The following CA12 variants were observed in gnomAD, a reference collection of about 807,000 sequenced individuals.
CA12 encodes carbonate dehydratase XII.
In CA12, 36 loss-of-function variants were observed where a neutral mutation model predicts 46.8. The observed-to-expected ratio is 0.77, with a 90% CI of 0.59 to 1.02. The LOEUF (loss-of-function observed/expected upper bound fraction) is 1.02. Ranked by LOEUF, CA12 falls within the 50% of genes least tolerant of loss-of-function variation. CA12 has a pLI of 0.00. For missense variants in CA12, 436 were observed against 451.4 expected (o/e 0.97, Z 0.31); for synonymous variants, 202 against 187.0 (o/e 1.08, Z -0.65).
chr15:63,381,741 C>T lies in CA12; in HGVS notation c.-21G>A, dbSNP rs769371386. ...GGCATCTTCGCGGGCTCCTGCGGGG[C>T]GGGCGCGGGCTGTGCCGGGGGCTCC... On this transcript the variant is annotated 5_prime_UTR_variant, in exon 1 of 11. Transcript: ENST00000178638. The T allele has an allele frequency of 8.4e-6, 13 of 1,546,502 alleles. No individual in the cohort carries two copies. The highest frequency in any genetic ancestry group is 7.3e-5 in the East Asian group (3 of 41,116).
At chr15:63,338,725 G>A in intron 8 of CA12, 94 bp downstream of exon 8, 1 of 1,549,524 alleles carries the variant, frequency 6.5e-7, no homozygotes, top group African/African-American at 1.4e-5. Flanking sequence ...CCAACTTCTT[G>A]AGGGCATCAG....
At chr15:63,354,242 C>G (rs1408815665) in intron 2 of CA12, among the ~76,000 whole-genome samples, 1 of 151,980 alleles carries the variant, frequency 6.6e-6, no homozygotes, top group Non-Finnish European at 1.5e-5. Context: ...GAGGTGGTCC[C>G]GGGACAGTGA....
chr15:63,376,624 T>C (rs375763102), intron 1 of CA12, among the ~76,000 whole-genome samples: 14 of 92,768 alleles, frequency 1.5e-4, no homozygotes, highest in Non-Finnish European at 1.2e-4. Flanking sequence ...CTCTCTCTCT[T>C]TCTTCTTTTT....
In CA12 at chr15:63,355,992, A is replaced by G. The variant is rs868314889; in HGVS notation, c.107-9283T>C. 6.6e-6 allele frequency among the ~76,000 whole-genome samples: 1 copy of G among 152,260 alleles called. No homozygotes were observed. Among genetic ancestry groups the G allele is most frequent in the Non-Finnish European group, 1.5e-5 (1 of 68,050 alleles). ...GTCTTTTTCATGCACTGTTATATGC[A>G]TAACATTTACATGATTAAATATGGT... On this transcript the variant is annotated intron_variant, in intron 2 of 10. Transcript: ENST00000178638. This position sits in a 1 kb window ranked among gnomAD's most constrained non-coding sequence, Gnocchi z 4.1.
chr15:63,364,346 A>AAAAAAC (rs532500100), intron 2 of CA12, among the ~76,000 whole-genome samples: 3,509 of 146,976 alleles, frequency 0.024, 221 homozygotes, highest in Middle Eastern at 0.042. Flanking sequence ...AAAAAAAAAA[A>AAAAAAC]AAAAAAAAAC....
chr15:63,337,131 C>T (rs2039014049), intron 8 of CA12, among the ~76,000 whole-genome samples: 1 of 152,148 alleles, frequency 6.6e-6, no homozygotes, highest in Non-Finnish European at 1.5e-5. Flanking sequence ...GGCTACTGTT[C>T]ACAGATTCTG....
rs369931016 is a variant in CA12, at chr15:63,364,694, C to T, written c.106+10964G>A. Among the ~76,000 whole-genome samples the T allele has an allele frequency of 1.6e-4, 25 of 152,344 alleles. No homozygotes were observed. In the East Asian group the frequency reaches 2.3e-3, roughly 14 times the overall value. ...CCCAGGCCCTGCAGCCCTGGCCCAT[C>T]GTCCAGGCACATTTCTGGCATATGC... On this transcript the variant is annotated intron_variant, in intron 2 of 10. Transcript: ENST00000178638.
At position 63,327,311 on chromosome 15, in the gene CA12, C is replaced by A. The variant is rs1343333638; in HGVS notation, c.908-78G>T. 18 of 1,055,158 alleles carry A rather than the reference C, an allele frequency of 1.7e-5. No individual in the cohort carries two copies. In the Admixed American group the frequency reaches 3.5e-4, roughly 21 times the overall value. 65.4% of individuals were successfully genotyped at this position (1,055,158 alleles called of 1,614,324 possible). The stretch of plus-strand genomic sequence containing the variant: ...AGCCCATGGCCCCCGGGTGTGAAAT[C>A]ATGGCCCAGCTGCATAATCATCCAC... On this transcript the variant is annotated intron_variant, in intron 9 of 10. Coordinates refer to ENST00000178638, the MANE Select transcript of CA12 (RefSeq NM_001218.5). The surrounding 1 kb of genome is among the most constrained non-coding windows in gnomAD (Gnocchi z 4.5).
At chr15:63,371,025 A>G (rs1038808271) in intron 2 of CA12, among the ~76,000 whole-genome samples, 1 of 152,094 alleles carries the variant, frequency 6.6e-6, no homozygotes, top group African/African-American at 2.4e-5. Context: ...TTATATTGCA[A>G]TTCAGGTGTG....
At position 63,327,078 on chromosome 15, in the gene CA12, G is replaced by T. The variant is rs2038876592; in HGVS notation, c.992+71C>A. On this transcript the variant is annotated intron_variant, in intron 10 of 10. Coordinates refer to ENST00000178638, the MANE Select transcript of CA12 (RefSeq NM_001218.5). This position sits in a 1 kb window ranked among gnomAD's most constrained non-coding sequence, Gnocchi z 4.5. ...CTGCGGCTCTTCATGCCACAAAGCT[G>T]CCTTCCCAGGCAGACTAATCATCAT... 1 of 1,394,036 alleles carries T rather than the reference G, an allele frequency of 7.2e-7. No homozygotes were observed. The highest frequency in any genetic ancestry group is 1.0e-6 in the Non-Finnish European group (1 of 982,474). 86.4% of individuals were successfully genotyped at this position (1,394,036 alleles called of 1,614,324 possible).
At chr15:63,347,487 T>C (rs1439687121) in intron 2 of CA12, among the ~76,000 whole-genome samples, 4 of 152,122 alleles carry the variant, frequency 2.6e-5, no homozygotes, top group Admixed American at 2.6e-4. Flanking sequence ...GACCACACTA[T>C]AAACTAATTA....
intron 2 of CA12, among the ~76,000 whole-genome samples, chr15:63,350,980 C>T (rs1444680448): frequency 1.3e-5 from 2 of 152,156 alleles, no homozygotes; most frequent in Non-Finnish European, 2.9e-5. Flanking sequence ...CATGACCACA[C>T]CTAGAGAGTT....
Position 63,340,157 on chromosome 15 carries a change from T to G in CA12, c.747+131A>C. On this transcript the variant is annotated intron_variant, in intron 7 of 10. Coordinates refer to ENST00000178638, the MANE Select transcript of CA12 (RefSeq NM_001218.5). The surrounding 1 kb of genome is among the most constrained non-coding windows in gnomAD (Gnocchi z 4.4). ...TTTCTGCGGTGCTTTCAGACACCTG[T>G]GATATTTGGAGAGGTTTTGAAGAGC... 1 of 1,072,804 alleles carries G rather than the reference T, an allele frequency of 9.3e-7. No homozygotes were observed. Among genetic ancestry groups the G allele is most frequent in the South Asian group, 1.4e-5 (1 of 73,858 alleles). The allele number at this position is 1,072,804 out of a possible 1,614,324, so 66.5% of individuals were successfully genotyped here.
chr15:63,335,939 CT>C (rs2038997806), intron 8 of CA12, among the ~76,000 whole-genome samples: 1 of 152,180 alleles, frequency 6.6e-6, no homozygotes, highest in South Asian at 2.1e-4. Context: ...CTCATTGCTC[CT>C]TGGGAAGCAG....
intron 1 of CA12, among the ~76,000 whole-genome samples, chr15:63,381,084 A>G (rs1428294804): frequency 6.6e-6 from 1 of 152,110 alleles, no homozygotes; most frequent in Non-Finnish European, 1.5e-5. Flanking sequence ...ACGTGCACAC[A>G]CACGTACATT....
chr15:63,342,217 T>G, intron 4 of CA12, 120 bp from the exon 5 acceptor site: 1 of 717,266 alleles, frequency 1.4e-6, no homozygotes, highest in Non-Finnish European at 2.5e-6. Flanking sequence ...CCCCCCAGAC[T>G]AGGTTAGGTC....
chr15:63,376,887 C>A (rs1466285426), intron 1 of CA12, among the ~76,000 whole-genome samples: 2 of 152,068 alleles, frequency 1.3e-5, no homozygotes, highest in African/African-American at 4.8e-5. Flanking sequence ...AAGCGATCTG[C>A]CCACTCCAGC....
chr15:63,367,994 T>C (rs1425381905), intron 2 of CA12, among the ~76,000 whole-genome samples: 1 of 152,232 alleles, frequency 6.6e-6, no homozygotes, highest in African/African-American at 2.4e-5. Context: ...CCATCATACT[T>C]ACGTGCTGTG....
chr15:63,338,710 C>A, intron 8 of CA12, 109 bp downstream of exon 8: 1 of 1,482,810 alleles, frequency 6.7e-7, no homozygotes, highest in Non-Finnish European at 9.4e-7. Context: ...CCAGGGAGCT[C>A]TCAGCCAACT....
Sources: gnomAD v4.1 joint callset for allele counts (sites outside exome capture counted in the v4.1 genomes callset) on GRCh38, gnomAD v4.1.1 for gene constraint, Gnocchi (gnomAD v3.1) non-coding constraint, MANE v1.5 for transcripts, NCBI Gene and HGNC (gene_info 2026-07-23, HGNC 2026-07-21) for gene names.